The following EPHB4 variants were observed in gnomAD, a reference collection of about 807,000 sequenced individuals.
EPHB4 encodes ephrin type-B receptor 4.
Under a neutral mutation model 110.6 loss-of-function variants are expected in EPHB4, and 50 were observed. The observed-to-expected ratio is 0.45, with a 90% CI of 0.36 to 0.57. The LOEUF is 0.57. Ranked by LOEUF, EPHB4 falls within the 20% of genes least tolerant of loss-of-function variation. The probability of loss-of-function intolerance (pLI) is 0.00; values close to 1 mark genes in which losing one functional copy is unlikely to be tolerated. For missense variants in EPHB4, 1,128 were observed against 1,382.1 expected, an observed-to-expected ratio of 0.82 and a Z score of 2.91; for synonymous variants, 592 against 578.4, an observed-to-expected ratio of 1.02 and a Z score of -0.34.
intron 1 of EPHB4, chr7:100,826,726 G>T: frequency 2.4e-6 from 1 of 418,554 alleles, no homozygotes; most frequent in Non-Finnish European, 4.3e-6. Context: ...TGAGAGTTCG[G>T]GGAGCCCGGG....
Position 100,820,221 on chromosome 7 carries a change from T to TTA in EPHB4, c.882_883dup (p.Asn295IlefsTer41). The TTA allele has an allele frequency of 6.2e-7, 1 of 1,614,100 alleles. No homozygotes were observed. The highest frequency in any genetic ancestry group is 8.5e-7 in the Non-Finnish European group (1 of 1,180,004). On this transcript the variant is annotated frameshift_variant, in exon 5 of 17. Coordinates refer to ENST00000358173, the MANE Select transcript of EPHB4 (RefSeq NM_004444.5). LOFTEE classifies it high-confidence loss of function. Reference sequence around the variant, plus strand: ...CTGGCAGACGGCTGATCCAATGGTGTTAGAGTGGCTATTGGCTGGGCATGG... The same window carrying TTA: ...CTGGCAGACGGCTGATCCAATGGTGTTATAGAGTGGCTATTGGCTGGGCATGG...
intron 12 of EPHB4, 131 bp from the exon 13 acceptor site, chr7:100,807,711 A>G: frequency 1.2e-6 from 1 of 859,958 alleles, no homozygotes; most frequent in Non-Finnish European, 1.8e-6. Context: ...GTGCCATCAT[A>G]GCTCACTGCA....
chr7:100,811,381 T>C (rs1286503276), intron 12 of EPHB4, among the ~76,000 whole-genome samples: 1 of 152,190 alleles, frequency 6.6e-6, no homozygotes, highest in Non-Finnish European at 1.5e-5. Flanking sequence ...CCGTTTGCTT[T>C]TTTTCACATT....
chr7:100,819,777 G>A lies in EPHB4; in HGVS notation c.1077C>T (p.Leu359=). Residue 359 remains leucine (L), a synonymous_variant, in exon 6 of 17, where the codon CTC becomes CTT. Transcript: ENST00000358173. ...CTCCGGGTCGGCACTCCCGGCAGCG[G>A]AGGGCGTAGGTGAGGTCCTCTCGGC... is the stretch of plus-strand genomic sequence containing the variant. ...SGGREDLTYA[L]RCRECRPGGS... The A allele has an allele frequency of 6.3e-7, 1 of 1,586,252 alleles. No individual in the cohort carries two copies. The highest frequency in any genetic ancestry group is 8.6e-7 in the Non-Finnish European group (1 of 1,166,588).
chr7:100,806,253 C>G, intron 14 of EPHB4, 167 bp downstream of exon 14: 1 of 846,728 alleles, frequency 1.2e-6, no homozygotes, highest in Non-Finnish European at 1.7e-6. Context: ...AGCCACTAGG[C>G]CTGGCCCTGT....
At position 100,803,561 on chromosome 7, in the gene EPHB4, G is replaced by C; in HGVS notation, c.2864C>G (p.Ala955Gly). 1 of 1,605,204 alleles carries C rather than the reference G, an allele frequency of 6.2e-7. No homozygotes were observed. The highest frequency in any genetic ancestry group is 8.5e-7 in the Non-Finnish European group (1 of 1,175,090). Residue 955 changes from alanine to glycine, a missense_variant, in exon 17 of 17, where the codon GCG becomes GGG. By Grantham distance (60) the Ala-to-Gly change is moderately conservative. Transcript: ENST00000358173. ...EDLLRIGVTL[A>G]GHQKKILASV... is the part of the protein sequence containing the mutation. ...GGCCAAGATTTTCTTCTGGTGTCCC[G>C]CCAGAGTGACTCCGATTCGGAGCAG...
At position 100,827,016 on chromosome 7, in the gene EPHB4, C is replaced by T; in HGVS notation, c.15G>A (p.Val5=). The change falls in exon 1 of 17, where the codon GTG becomes GTA. Residue 5 remains valine, a synonymous_variant. Coordinates refer to ENST00000358173, the MANE Select transcript of EPHB4 (RefSeq NM_004444.5). The part of the protein sequence containing the change: MELR[V]LLCWASLAAA... ...CGGCCAACGAAGCCCAGCAGAGCAG[C>T]ACCCGGAGCTCCATGGCGCCGCCTC... The T allele has an allele frequency of 6.3e-7, 1 of 1,584,702 alleles. No individual in the cohort carries two copies. The highest frequency in any genetic ancestry group is 1.8e-5 in the Admixed American group (1 of 56,912).
intron 1 of EPHB4, chr7:100,824,484 A>T: frequency 1.7e-6 from 1 of 577,882 alleles, no homozygotes; most frequent in Non-Finnish European, 3.1e-6. Context: ...TCTGGTAGGC[A>T]TGGGGCTCCC....
In EPHB4 at chr7:100,805,575, G is replaced by A. The variant is rs755503621; in HGVS notation, c.2604C>T (p.Pro868=). Residue 868 remains proline, a synonymous_variant, in exon 15 of 17, where the codon CCC becomes CCT. Coordinates refer to ENST00000358173, the MANE Select transcript of EPHB4 (RefSeq NM_004444.5). ...TCTTGTCCAGGGCGCTGACCACCTG[G>A]GGGAAGCGGGGCCGGGCATTCCGGT... The part of the protein sequence containing the change: ...QKDRNARPRF[P]QVVSALDKMI... The A allele has an allele frequency of 1.3e-6, 2 of 1,548,244 alleles. No homozygotes were observed.
rs758167893 is a variant in EPHB4 at position 100,818,677 on chromosome 7, G to A, written c.1298-33C>T. On this transcript the variant is annotated intron_variant, in intron 6 of 16. Coordinates refer to ENST00000358173, the MANE Select transcript of EPHB4 (RefSeq NM_004444.5). ...AGGCAGAGACACAGGGAACCCTTGT[G>A]CATGGTAGCTCTGTCCCTTAACTTA... 3.8e-6 allele frequency: 6 copies of A among 1,598,190 alleles called. No individual in the cohort carries two copies. The East Asian group carries it at 1.3e-4, about 36-fold the overall frequency.
At chr7:100,825,471 C>G (rs956997817) in intron 1 of EPHB4, 1 of 152,316 alleles carries the variant, frequency 6.6e-6, no homozygotes, top group Admixed American at 6.5e-5. Context: ...CAAGCGCAGG[C>G]TCCCTTTCTG....
intron 12 of EPHB4, among the ~76,000 whole-genome samples, chr7:100,811,525 A>T (rs1388965762): frequency 2.0e-5 from 3 of 151,850 alleles, no homozygotes; most frequent in Admixed American, 6.6e-5. Flanking sequence ...ATTCCTGGGG[A>T]CTGGGAGGAT....
At position 100,818,908 on chromosome 7, in the gene EPHB4, CTA is replaced by C. The variant is rs1291309856; in HGVS notation, c.1298-266_1298-265del. ...ATGGGGTTTCACCACGTTGGCCAGG[CTA>C]GTCTTGAACTCCTGACCTTGTGATC... is the stretch of plus-strand genomic sequence containing the variant. On this transcript the variant is annotated intron_variant, in intron 6 of 16. Transcript: ENST00000358173. Among the ~76,000 whole-genome samples, 3 of 152,122 alleles carry C rather than the reference CTA, an allele frequency of 2.0e-5. No individual in the cohort carries two copies. In the East Asian group the frequency reaches 5.8e-4, roughly 29 times the overall value.
Position 100,827,456 on chromosome 7 carries a change from G to C in EPHB4, c.-426C>G, listed in dbSNP as rs937470421. On this transcript the variant is annotated 5_prime_UTR_variant, in exon 1 of 17. Transcript: ENST00000358173. ...GGGAGCCCGAGCGGGGACGGAGCGG[G>C]AGGGAGGGAGACTGCGGCGCGGAGC... 1 of 150,998 alleles carries C rather than the reference G, an allele frequency of 6.6e-6. No individual in the cohort carries two copies. The highest frequency in any genetic ancestry group is 2.4e-5 in the African/African-American group (1 of 41,180). 9.4% of individuals were successfully genotyped at this position (150,998 alleles called of 1,614,324 possible).
chr7:100,813,150 T>C lies in EPHB4; in HGVS notation c.1815A>G (p.Glu605=). 1 of 1,594,464 alleles carries C rather than the reference T, an allele frequency of 6.3e-7. No homozygotes were observed. Among genetic ancestry groups the C allele is most frequent in the Non-Finnish European group, 8.6e-7 (1 of 1,169,580 alleles). Reference sequence around the variant, plus strand: ...AGGAGACATCGATCTCTTTTGCAAATTCCCTCACAGCCTCATTAGGGTCTT... The same window carrying C: ...AGGAGACATCGATCTCTTTTGCAAACTCCCTCACAGCCTCATTAGGGTCTT... ...TYEDPNEAVR[E]FAKEIDVSYV... The change falls in exon 11 of 17, where the codon GAA becomes GAG. Residue 605 remains glutamate, a synonymous_variant. Transcript: ENST00000358173.
rs767529835 is a variant in EPHB4, at chr7:100,819,658, T to A, written c.1196A>T (p.Asp399Val). 1.2e-6 allele frequency: 2 copies of A among 1,613,684 alleles called. No homozygotes were observed. Among genetic ancestry groups the A allele is most frequent in the South Asian group, 2.2e-5 (2 of 91,050 alleles). Reference sequence around the variant, plus strand: ...AGTGACCTCAAAGGTATAGGTGAAGTCAGGACGTAGCCCTCGAACCACCAC... The same window carrying A: ...AGTGACCTCAAAGGTATAGGTGAAGACAGGACGTAGCCCTCGAACCACCAC... ...PWVVVRGLRP[D>V]FTYTFEVTAL... The change falls in exon 6 of 17, where the codon GAC (aspartate) becomes GTC (valine). Residue 399 changes from aspartate to valine, a missense_variant. This residue lies in a region of EPHB4 where 728 missense variants were observed against 828.6 expected (regional missense o/e 0.88). Transcript: ENST00000358173.
At chr7:100,816,292 G>C (rs928495043) in intron 8 of EPHB4, among the ~76,000 whole-genome samples, 3 of 152,114 alleles carry the variant, frequency 2.0e-5, no homozygotes, top group African/African-American at 4.8e-5. Flanking sequence ...ATGGGGAATG[G>C]GGAGCTCAGG....
Position 100,820,199 on chromosome 7 carries a change from G to A in EPHB4, c.906C>T (p.Cys302=), listed in dbSNP as rs769624366. Residue 302 remains cysteine (C), a synonymous_variant, in exon 5 of 17, where the codon TGC becomes TGT. Transcript: ENST00000358173. ...CCCGGAAGTACCCGACGCGGCACTG[G>A]CAGACGGCTGATCCAATGGTGTTAG... The part of the protein sequence containing the change: ...SHSNTIGSAV[C]QCRVGYFRAR... 1.9e-6 allele frequency: 3 copies of A among 1,614,122 alleles called. No homozygotes were observed. Among genetic ancestry groups the A allele is most frequent in the East Asian group, 2.2e-5 (1 of 44,878 alleles).
chr7:100,805,268 G>A lies in EPHB4; in HGVS notation c.2732C>T (p.Ser911Phe), dbSNP rs1812792405. ...GATGGCCCGAAGCCACTCGCCCACA[G>A]AGCCAAAAGCTGAGTAGTGAGGCTG... is the stretch of plus-strand genomic sequence containing the variant. The part of the protein sequence containing the change: ...QRQPHYSAFG[S>F]VGEWLRAIKM... The change falls in exon 16 of 17, where the codon TCT becomes TTT. Residue 911 changes from serine (S) to phenylalanine (F), a missense_variant. Physicochemically the swap from Ser to Phe is radical, Grantham distance 155 (BLOSUM62 -2). Transcript: ENST00000358173. 2.5e-6 allele frequency: 4 copies of A among 1,613,812 alleles called. No homozygotes were observed. The highest frequency in any genetic ancestry group is 3.4e-6 in the Non-Finnish European group (4 of 1,179,896).
Sources: gnomAD v4.1 joint callset for allele counts (sites outside exome capture counted in the v4.1 genomes callset) on GRCh38, gnomAD v4.1.1 for gene constraint, gnomAD v4.1.1 regional missense constraint, MANE v1.5 for transcripts, NCBI Gene and HGNC (gene_info 2026-07-23, HGNC 2026-07-21) for gene names.